Variants in EVA1A observed in about 807,000 individuals in gnomAD.
EVA1A encodes eva-1 homolog A, regulator of programmed cell death.
EVA1A carries 7 observed loss-of-function variants against 9.8 expected under a neutral mutation model. That is an observed-to-expected ratio of 0.71 (90% CI 0.41 to 1.34). The LOEUF (loss-of-function observed/expected upper bound fraction) is 1.34. Among genes scored for constraint, EVA1A ranks in the 40% most tolerant of loss-of-function variants. The pLI, the probability that EVA1A is intolerant of heterozygous loss-of-function variation, is 0.01. For synonymous variants in EVA1A, 90 were observed against 85.6 expected (o/e 1.05, Z -0.28); for missense variants, 206 against 205.9 (o/e 1.00, Z 0.00).
chr2:75,557,199 A>G (rs201719972), intron 1 of EVA1A, among the ~76,000 whole-genome samples: 1 of 152,208 alleles, frequency 6.6e-6, no homozygotes, highest in African/African-American at 2.4e-5. Context: ...TATTTGTGTA[A>G]GGCAGTCTAG....
chr2:75,514,797 C>A (rs1674946823), intron 3 of EVA1A, among the ~76,000 whole-genome samples: 1 of 152,114 alleles, frequency 6.6e-6, no homozygotes, highest in South Asian at 2.1e-4. Flanking sequence ...GCCTATATCC[C>A]TAATTCTTTC....
chr2:75,523,122 C>T lies in EVA1A; in HGVS notation c.-191-635G>A, dbSNP rs1257479971. On this transcript the variant is annotated intron_variant, in intron 1 of 3. Transcript: ENST00000393913. ...TGTCCCCACTTCACGTGTGCACACT[C>T]ATTCATTCGTCATCATCACACCCTT... is the stretch of plus-strand genomic sequence containing the variant. Among the ~76,000 whole-genome samples the T allele has an allele frequency of 3.3e-5, 5 of 152,196 alleles. No individual in the cohort carries two copies. The South Asian group carries it at 8.3e-4, about 25-fold the overall frequency.
chr2:75,527,139 T>C (rs6750855), intron 1 of EVA1A, among the ~76,000 whole-genome samples: 69,486 of 151,966 alleles, frequency 0.46, 17,649 homozygotes, highest in African/African-American at 0.69. Context: ...CACTCTACTT[T>C]AGCCAAACAT....
At chr2:75,561,605 G>A (rs1442558989), upstream of EVA1A, among the ~76,000 whole-genome samples, 2 of 152,090 alleles carry the variant, frequency 1.3e-5, no homozygotes, top group Non-Finnish European at 2.9e-5. Flanking sequence ...CTATACAATC[G>A]TCATAGGGGA....
At position 75,536,381 on chromosome 2, in the gene EVA1A, A is replaced by G. The variant is rs75064227; in HGVS notation, c.-191-13894T>C. ...ACCTCCCCCCCAAATAAAACAAAGCACAAAAACAATATTGTCAGGTTTAAA... is the reference window on the plus strand; with the variant it reads ...ACCTCCCCCCCAAATAAAACAAAGCGCAAAAACAATATTGTCAGGTTTAAA... On this transcript the variant is annotated intron_variant, in intron 1 of 3. Transcript: ENST00000393913. 2.6e-3 allele frequency among the ~76,000 whole-genome samples: 391 copies of G among 152,286 alleles called. 2 individuals are homozygous for G. The highest frequency in any genetic ancestry group is 8.8e-3 in the African/African-American group (366 of 41,562).
intron 3 of EVA1A, among the ~76,000 whole-genome samples, chr2:75,500,682 TCTCTCTCTTAC>T (rs760701514): frequency 6.4e-4 from 97 of 151,946 alleles, no homozygotes; most frequent in Middle Eastern, 3.4e-3. Context: ...AACAGCAAGT[TCTCTCTCTTAC>T]CTCTCTCTCT....
rs1239817037 is a variant in EVA1A at position 75,518,091 on chromosome 2, A to G, written c.50T>C (p.Leu17Pro). 1 of 1,613,992 alleles carries G rather than the reference A, an allele frequency of 6.2e-7. No individual in the cohort carries two copies. Among genetic ancestry groups the G allele is most frequent in the African/African-American group, 1.3e-5 (1 of 74,902 alleles). The change falls in exon 3 of 4, where the codon CTC becomes CCC. Residue 17 changes from leucine to proline, a missense_variant. Transcript: ENST00000393913. ...HSPEHVEMAL[L>P]SNILAAYSFV... ...GGAATAGGCCGCTAGGATGTTGCTG[A>G]GCAAAGCCATCTCCACGTGCTCTGG...
chr2:75,519,830 C>T (rs990020392), intron 2 of EVA1A, among the ~76,000 whole-genome samples: 1 of 152,204 alleles, frequency 6.6e-6, no homozygotes, highest in African/African-American at 2.4e-5. Context: ...CCTGTCTCCA[C>T]TAATGTTACC....
At chr2:75,497,275 C>A (rs960073295) in intron 3 of EVA1A, among the ~76,000 whole-genome samples, 2 of 151,970 alleles carry the variant, frequency 1.3e-5, no homozygotes, top group African/African-American at 4.8e-5. Flanking sequence ...AGAAAATATT[C>A]CTAAATTATG....
chr2:75,539,511 C>T (rs991684831), intron 1 of EVA1A, among the ~76,000 whole-genome samples: 2 of 152,142 alleles, frequency 1.3e-5, no homozygotes, highest in Non-Finnish European at 2.9e-5. Context: ...CAATCAGCAT[C>T]TAAGTAAAGA....
chr2:75,552,142 G>T (rs1676546870), intron 1 of EVA1A, among the ~76,000 whole-genome samples: 1 of 151,738 alleles, frequency 6.6e-6, no homozygotes, highest in African/African-American at 2.4e-5. Flanking sequence ...AGCTATGATT[G>T]TGCTGCTGCA....
chr2:75,535,230 T>A (rs898366583), intron 1 of EVA1A, among the ~76,000 whole-genome samples: 1 of 144,356 alleles, frequency 6.9e-6, no homozygotes, highest in Non-Finnish European at 1.5e-5. Context: ...CAATGAGATA[T>A]CACTTATCCT....
At position 75,493,183 on chromosome 2, in the gene EVA1A, A is replaced by G; in HGVS notation, c.*53T>C. 1 of 1,556,338 alleles carries G rather than the reference A, an allele frequency of 6.4e-7. No homozygotes were observed. The highest frequency in any genetic ancestry group is 1.9e-5 in the Admixed American group (1 of 53,964). On this transcript the variant is annotated 3_prime_UTR_variant, in exon 4 of 4. Coordinates refer to ENST00000393913, the MANE Select transcript of EVA1A (RefSeq NM_001135032.2). ...AGTTCCTTGTGCCCACTGTCCCTGC[A>G]GACGCTCTCCTTTCCAGGCGGCCTC...
intron 2 of EVA1A, among the ~76,000 whole-genome samples, chr2:75,521,297 A>G (rs1387822056): frequency 6.6e-6 from 1 of 152,200 alleles, no homozygotes; most frequent in Non-Finnish European, 1.5e-5. Flanking sequence ...AAATGTTTAA[A>G]TAGAATTATT....
chr2:75,519,716 G>A (rs1321692274), intron 2 of EVA1A, among the ~76,000 whole-genome samples: 3 of 152,202 alleles, frequency 2.0e-5, no homozygotes, highest in African/African-American at 4.8e-5. Context: ...TTCAGAGGCT[G>A]TTCTACAGAT....
intron 3 of EVA1A, among the ~76,000 whole-genome samples, chr2:75,499,799 T>C (rs761571372): frequency 2.6e-5 from 4 of 152,162 alleles, no homozygotes; most frequent in Non-Finnish European, 4.4e-5. Flanking sequence ...GTCCACTGAC[T>C]ATGCCTAAGT....
At chr2:75,560,242 C>T (rs1355668252) in intron 1 of EVA1A, among the ~76,000 whole-genome samples, 1 of 152,164 alleles carries the variant, frequency 6.6e-6, no homozygotes, top group East Asian at 1.9e-4. Flanking sequence ...CGAAACAAAC[C>T]AGGTAAATAG....
intron 1 of EVA1A, among the ~76,000 whole-genome samples, chr2:75,545,742 TTTGA>T (rs1676307595): frequency 1.3e-5 from 2 of 152,142 alleles, no homozygotes; most frequent in Non-Finnish European, 2.9e-5. Context: ...AATACAGGCA[TTTGA>T]TTGGGCACTG....
intron 1 of EVA1A, among the ~76,000 whole-genome samples, chr2:75,523,148 C>G (rs1675291218): frequency 6.6e-6 from 1 of 152,220 alleles, no homozygotes; most frequent in Admixed American, 6.5e-5. Flanking sequence ...TCACACCCTT[C>G]CAACTACTGT....
Sources: allele counts gnomAD v4.1 joint callset (sites outside exome capture counted in the v4.1 genomes callset), GRCh38; gene constraint gnomAD v4.1.1; transcripts MANE v1.5; gene names NCBI Gene and HGNC (gene_info 2026-07-23, HGNC 2026-07-21).